The following GABBR2 variants were observed in gnomAD, a reference collection of about 807,000 sequenced individuals.
GABBR2 encodes the protein G-protein coupled receptor 51.
A neutral mutation model predicts 105.6 loss-of-function variants in GABBR2; 23 were observed. That is an observed-to-expected ratio of 0.22 (90% CI 0.16 to 0.31). GABBR2 has a LOEUF of 0.31. GABBR2 is among the 10% of genes least tolerant of loss of function. The pLI is 1.00. For synonymous variants in GABBR2, 478 were observed against 499.7 expected, an observed-to-expected ratio of 0.96 and a Z score of 0.58; for missense variants, 734 against 1,245.5, an observed-to-expected ratio of 0.59 and a Z score of 6.18.
In GABBR2 at chr9:98,607,971, G is replaced by A. The variant is rs950531027; in HGVS notation, c.322-29899C>T. 2.4e-5 allele frequency: 32 copies of A among 1,310,358 alleles called. 1 individual carries two copies. The highest frequency in any genetic ancestry group is 3.5e-5 in the Non-Finnish European group (32 of 925,892). 81.2% of individuals were successfully genotyped at this position (1,310,358 alleles called of 1,614,324 possible). On this transcript the variant is annotated intron_variant, in intron 1 of 18. Transcript: ENST00000259455. ...TGAAGCTGAGCTCCAGCGGCACCAT[G>A]AGCAAATGAAAAGGAATTTGGAAGC... is the stretch of plus-strand genomic sequence containing the variant.
intron 14 of GABBR2, among the ~76,000 whole-genome samples, chr9:98,310,455 T>C (rs1332409157): frequency 1.3e-5 from 2 of 151,766 alleles, no homozygotes; most frequent in African/African-American, 4.8e-5. Context: ...GCCACGTTGG[T>C]CAGGCTGGTC....
chr9:98,344,882 C>G (rs188022964), intron 13 of GABBR2, among the ~76,000 whole-genome samples: 1 of 152,138 alleles, frequency 6.6e-6, no homozygotes, highest in Non-Finnish European at 1.5e-5. Flanking sequence ...CTCTTTTGTC[C>G]ACTGGGACCC....
At position 98,440,559 on chromosome 9, in the gene GABBR2, C is replaced by T. The variant is rs538104321; in HGVS notation, c.1236+13422G>A. On this transcript the variant is annotated intron_variant, in intron 7 of 18. Transcript: ENST00000259455. ...GCCCCAACCAGACTCCAGGTCTTTA[C>T]TTTAAAATTACTGGTTTAGGCAGTA... Among the ~76,000 whole-genome samples the T allele has an allele frequency of 1.6e-4, 25 of 152,244 alleles. No homozygotes were observed. In the Middle Eastern group the frequency reaches 0.01, roughly 62 times the overall value.
At chr9:98,500,411 C>G (rs897056228) in intron 3 of GABBR2, among the ~76,000 whole-genome samples, 5 of 152,166 alleles carry the variant, frequency 3.3e-5, no homozygotes, top group Admixed American at 6.5e-5. Context: ...TGCCCCTCAC[C>G]TGGAAGGGAG....
intron 11 of GABBR2, among the ~76,000 whole-genome samples, chr9:98,381,414 G>T (rs1194393129): frequency 6.6e-6 from 1 of 152,240 alleles, no homozygotes; most frequent in African/African-American, 2.4e-5. Flanking sequence ...CCGAAGGACA[G>T]AATCCATGGC....
Position 98,290,662 on chromosome 9 carries a change from G to A in GABBR2, c.2748C>T (p.Ser916=). The change falls in exon 19 of 19, where the codon AGC becomes AGT. Residue 916 remains serine, a synonymous_variant. Coordinates refer to ENST00000259455, the MANE Select transcript of GABBR2 (RefSeq NM_005458.8). ...SIGGVDASCV[S]PCVSPTASPR... ...GGCTGGCGGTGGGGCTGACGCAGGG[G>A]CTGACACAGCTGGCGTCCACGCCTC... 4 of 1,473,964 alleles carry A rather than the reference G, an allele frequency of 2.7e-6. No individual in the cohort carries two copies. The highest frequency in any genetic ancestry group is 2.7e-6 in the Non-Finnish European group (3 of 1,122,100). The allele number at this position is 1,473,964 out of a possible 1,614,324, so 91.3% of individuals were successfully genotyped here.
At chr9:98,485,444 A>T (rs1159510340) in intron 4 of GABBR2, among the ~76,000 whole-genome samples, 1 of 151,972 alleles carries the variant, frequency 6.6e-6, no homozygotes, top group Non-Finnish European at 1.5e-5. Context: ...CTCATCCCTC[A>T]TCTAGAACCA....
At position 98,518,289 on chromosome 9, in the gene GABBR2, T is replaced by C. The variant is rs531239556; in HGVS notation, c.631-21775A>G. On this transcript the variant is annotated intron_variant, in intron 3 of 18. Transcript: ENST00000259455. ...TCGGACTTCAGCTCTGAAGATGCCG[T>C]CTGTTTCTTGCCAGGACGCTAATAC... is the stretch of plus-strand genomic sequence containing the variant. Among the ~76,000 whole-genome samples the C allele has an allele frequency of 6.6e-5, 10 of 152,304 alleles. No individual in the cohort carries two copies. In the East Asian group the frequency reaches 1.7e-3, roughly 26 times the overall value.
At chr9:98,470,471 A>C (rs1190165123) in intron 6 of GABBR2, among the ~76,000 whole-genome samples, 1 of 152,212 alleles carries the variant, frequency 6.6e-6, no homozygotes, top group African/African-American at 2.4e-5. Context: ...TACCACAAGA[A>C]CAGTGTGGGG....
chr9:98,468,033 GAGA>G (rs1588177201), intron 6 of GABBR2, among the ~76,000 whole-genome samples: 1 of 152,246 alleles, frequency 6.6e-6, no homozygotes, highest in African/African-American at 2.4e-5. Context: ...CCTCAGTGGA[GAGA>G]AGGAGCCAAT....
At chr9:98,665,499 G>C (rs1369096930) in intron 1 of GABBR2, among the ~76,000 whole-genome samples, 1 of 152,000 alleles carries the variant, frequency 6.6e-6, no homozygotes, top group Non-Finnish European at 1.5e-5. Context: ...TTAGGTCCAG[G>C]CTGCAGCACA....
chr9:98,522,593 A>T (rs1457975816), intron 3 of GABBR2, among the ~76,000 whole-genome samples: 2 of 152,192 alleles, frequency 1.3e-5, no homozygotes, highest in African/African-American at 4.8e-5. Context: ...TTATACTTAG[A>T]TAACTTGTCA....
At chr9:98,420,782 C>G (rs1313650094) in intron 7 of GABBR2, among the ~76,000 whole-genome samples, 1 of 152,086 alleles carries the variant, frequency 6.6e-6, no homozygotes, top group Non-Finnish European at 1.5e-5. Context: ...GAGAGTGTAC[C>G]AGGAAGAAGG....
chr9:98,595,290 C>T (rs888034233), intron 1 of GABBR2, among the ~76,000 whole-genome samples: 1 of 152,048 alleles, frequency 6.6e-6, no homozygotes, highest in East Asian at 2.0e-4. Flanking sequence ...GGGCTCCACC[C>T]TCGTGACCTA....
At chr9:98,390,136 A>T (rs2131498346) in intron 9 of GABBR2, among the ~76,000 whole-genome samples, 1 of 152,278 alleles carries the variant, frequency 6.6e-6, no homozygotes, top group African/African-American at 2.4e-5. Context: ...GCACTTTGGG[A>T]GGCCAAGGCG....
intron 1 of GABBR2, among the ~76,000 whole-genome samples, chr9:98,675,597 C>T (rs1473065624): frequency 1.3e-5 from 2 of 152,080 alleles, no homozygotes; most frequent in East Asian, 3.9e-4. Context: ...CTGTGTAGGG[C>T]TATGTGTCTA....
intron 7 of GABBR2, among the ~76,000 whole-genome samples, chr9:98,417,506 G>T (rs541302083): frequency 2.0e-5 from 3 of 152,246 alleles, no homozygotes; most frequent in East Asian, 1.9e-4. Context: ...GTAGTTCGGG[G>T]TTCTAGTCCC....
chr9:98,507,437 C>T (rs149121262), intron 3 of GABBR2, among the ~76,000 whole-genome samples: 1 of 152,252 alleles, frequency 6.6e-6, no homozygotes, highest in Admixed American at 6.5e-5. Context: ...CGGGCAGCAT[C>T]TAGAAGGTGG....
chr9:98,557,897 C>T (rs183520452), intron 2 of GABBR2, among the ~76,000 whole-genome samples: 86 of 152,180 alleles, frequency 5.7e-4, no homozygotes, highest in African/African-American at 1.8e-3. Flanking sequence ...AAAATGATAA[C>T]GTCAGGGATA....
Sources: gnomAD v4.1 joint callset for allele counts (sites outside exome capture counted in the v4.1 genomes callset) on GRCh38, gnomAD v4.1.1 for gene constraint, MANE v1.5 for transcripts, NCBI Gene and HGNC (gene_info 2026-07-23, HGNC 2026-07-21) for gene names.